The following RBCK1 variants were observed in gnomAD, a reference collection of about 807,000 sequenced individuals.
The protein encoded by RBCK1 is ranBP-type and C3HC4-type zinc finger-containing protein 1.
A neutral mutation model predicts 71.1 loss-of-function variants in RBCK1; 44 were observed. The observed-to-expected ratio is 0.62, with a 90% CI of 0.49 to 0.80. The LOEUF (loss-of-function observed/expected upper bound fraction) is 0.80, where lower values mean the gene tolerates loss of function less well. Ranked by LOEUF, RBCK1 falls within the 30% of genes least tolerant of loss-of-function variation. The pLI is 0.00. For missense variants in RBCK1, 569 were observed against 685.0 expected (o/e 0.83, Z 1.89); for synonymous variants, 306 against 279.7 (o/e 1.09, Z -0.94).
chr20:419,203 G>C (rs1011199092), intron 4 of RBCK1, 144 bp from the exon 5 acceptor site: 8 of 1,114,142 alleles, frequency 7.2e-6, no homozygotes, highest in Non-Finnish European at 1.0e-5. Context: ...ATGCCCACTT[G>C]GCCAGATGGA....
rs138518621 is a variant in RBCK1 at position 427,600 on chromosome 20, G to A, written c.1209+108G>A. The A allele has an allele frequency of 4.1e-3, 5,092 of 1,228,236 alleles. 17 individuals are homozygous for A. The highest frequency in any genetic ancestry group is 5.4e-3 in the South Asian group (395 of 72,708). 76.1% of individuals were successfully genotyped at this position (1,228,236 alleles called of 1,614,324 possible). ...AAGGGAGCTGTGACACTGGCCTGCT[G>A]GTCATGACTTAGAGCTACATGTCAG... On this transcript the variant is annotated intron_variant, in intron 9 of 11. Transcript: ENST00000356286.
In RBCK1 at chr20:431,249, A is replaced by AGTC. The variant is rs1178368448; in HGVS notation, c.*820_*822dup. ...GGATGGGCTTAGGGGCGGGAGGGGA[A>AGTC]GTCTTGCCACTCCTGCTCCCTTTTG... On this transcript the variant is annotated 3_prime_UTR_variant, in exon 12 of 12. Transcript: ENST00000356286. This position sits in a 1 kb window ranked among gnomAD's most constrained non-coding sequence, Gnocchi z 4.8. Among the ~76,000 whole-genome samples, 1 of 152,086 alleles carries AGTC rather than the reference A, an allele frequency of 6.6e-6. No individual in the cohort carries two copies. Among genetic ancestry groups the AGTC allele is most frequent in the Non-Finnish European group, 1.5e-5 (1 of 68,014 alleles).
At chr20:418,535 A>T (rs928775333) in intron 4 of RBCK1, among the ~76,000 whole-genome samples, 1 of 151,982 alleles carries the variant, frequency 6.6e-6, no homozygotes, top group East Asian at 1.9e-4. Context: ...CGCCCGGCTA[A>T]TTTTTTATAT....
Position 430,496 on chromosome 20 carries a change from G to A in RBCK1, c.*66G>A, listed in dbSNP as rs2016964702. ...CCACATTCTGTTAGAATGTAGCTCA[G>A]GGAGCTTCGTGGACGGCCTTGCTTG... On this transcript the variant is annotated 3_prime_UTR_variant, in exon 12 of 12. Transcript: ENST00000356286. This position sits in a 1 kb window ranked among gnomAD's most constrained non-coding sequence, Gnocchi z 5.6. 1 of 1,503,416 alleles carries A rather than the reference G, an allele frequency of 6.7e-7. No homozygotes were observed. Among genetic ancestry groups the A allele is most frequent in the South Asian group, 1.1e-5 (1 of 88,686 alleles). 93.1% of individuals were successfully genotyped at this position (1,503,416 alleles called of 1,614,324 possible).
chr20:425,649 C>T (rs1166524341), intron 8 of RBCK1, among the ~76,000 whole-genome samples: 57 of 113,938 alleles, frequency 5.0e-4, no homozygotes, highest in Middle Eastern at 4.6e-3. Context: ...TTTTTTGAGA[C>T]GAAGTCTCAC....
chr20:424,801 G>T (rs1258207985), intron 8 of RBCK1, among the ~76,000 whole-genome samples: 1 of 152,218 alleles, frequency 6.6e-6, no homozygotes, highest in Admixed American at 6.5e-5. Context: ...CACTGGAGTT[G>T]ATGTGAGTCT....
At chr20:418,578 C>T (rs928853002) in intron 4 of RBCK1, among the ~76,000 whole-genome samples, 3 of 152,092 alleles carry the variant, frequency 2.0e-5, no homozygotes, top group South Asian at 2.1e-4. Flanking sequence ...CCGTGTTAGC[C>T]AGGATGGTCT....
At chr20:421,453 C>T (rs1229825671) in intron 7 of RBCK1, among the ~76,000 whole-genome samples, 1 of 152,212 alleles carries the variant, frequency 6.6e-6, no homozygotes, top group Non-Finnish European at 1.5e-5. Flanking sequence ...GGGTGACAGG[C>T]TCCGTGCCTG....
In RBCK1 at chr20:428,538, C is replaced by T. The variant is rs151306710; in HGVS notation, c.1257C>T (p.Ala419=). ...GCAAGGAGTATCAGGAGGACCTGGC[C>T]CTGCGGGCTCAGAACGATGTGGCTG... is the stretch of plus-strand genomic sequence containing the variant. ...MNCKEYQEDL[A]LRAQNDVAAR... The change falls in exon 10 of 12, where the codon GCC becomes GCT. Residue 419 remains alanine, a synonymous_variant. Coordinates refer to ENST00000356286, the MANE Select transcript of RBCK1 (RefSeq NM_031229.4). The surrounding 1 kb of genome is among the most constrained non-coding windows in gnomAD (Gnocchi z 5.7). The T allele has an allele frequency of 1.2e-4, 190 of 1,612,748 alleles. No individual in the cohort carries two copies. The African/African-American group carries it at 2.3e-3, about 20-fold the overall frequency.
Position 422,327 on chromosome 20 carries a change from C to CTTT in RBCK1, c.1029+99_1029+101dup. ...GGCAGCAGACATCTTTCTTTTCTTT[C>CTTT]TTTTTTTTTTTTGGAGATGGGGTCT... On this transcript the variant is annotated intron_variant, in intron 8 of 11. Transcript: ENST00000356286. This position sits in a 1 kb window ranked among gnomAD's most constrained non-coding sequence, Gnocchi z 5.0. 21 of 879,438 alleles carry CTTT rather than the reference C, an allele frequency of 2.4e-5. No individual in the cohort carries two copies. Among genetic ancestry groups the CTTT allele is most frequent in the East Asian group, 2.8e-5 (1 of 35,474 alleles). The allele number at this position is 879,438 out of a possible 1,614,324, so 54.5% of individuals were successfully genotyped here.
chr20:420,797 G>T, intron 6 of RBCK1, 74 bp from the exon 7 acceptor site: 1 of 1,359,184 alleles, frequency 7.4e-7, no homozygotes, highest in Non-Finnish European at 9.8e-7. Context: ...CACGCCCCCT[G>T]GCCCTTCCCC....
chr20:413,974 A>G (rs915870973), intron 2 of RBCK1, among the ~76,000 whole-genome samples: 5 of 151,868 alleles, frequency 3.3e-5, no homozygotes, highest in African/African-American at 1.2e-4. Flanking sequence ...AAGGAAATAC[A>G]GTAAAAATCC....
chr20:423,247 T>C (rs1319661572), intron 8 of RBCK1, among the ~76,000 whole-genome samples: 2 of 152,154 alleles, frequency 1.3e-5, no homozygotes, highest in Non-Finnish European at 2.9e-5. Flanking sequence ...TGTGGTGAAC[T>C]GAGATCGCGC....
chr20:408,693 GACCC>G lies in RBCK1; in HGVS notation c.-64_-61del. The G allele has an allele frequency of 6.2e-7, 1 of 1,600,338 alleles. No individual in the cohort carries two copies. Among genetic ancestry groups the G allele is most frequent in the Non-Finnish European group, 8.5e-7 (1 of 1,174,478 alleles). On this transcript the variant is annotated 5_prime_UTR_variant, in exon 1 of 12. The change abolishes the stop of an existing upstream ORF in the 5' untranslated region. Transcript: ENST00000356286. ...TCCTGGTCTCCCGCCTCTCCCAGGC[GACCC>G]GGAGGTAGCATTTCCCAGGAGGCAC... is the stretch of plus-strand genomic sequence containing the variant.
In RBCK1 at chr20:408,627, G is replaced by A; in HGVS notation, c.-131G>A. ...GCGGGGACAGCGAGGCACACACAGG[G>A]CTTGGGCCGCGCCGGAGGCCACACG... On this transcript the variant is annotated 5_prime_UTR_variant, in exon 1 of 12. Coordinates refer to ENST00000356286, the MANE Select transcript of RBCK1 (RefSeq NM_031229.4). 1 of 1,204,576 alleles carries A rather than the reference G, an allele frequency of 8.3e-7. No homozygotes were observed. The allele number at this position is 1,204,576 out of a possible 1,614,324, so 74.6% of individuals were successfully genotyped here.
chr20:426,815 CCTTTT>C (rs2016742575), intron 8 of RBCK1, among the ~76,000 whole-genome samples: 2 of 130,820 alleles, frequency 1.5e-5, no homozygotes, highest in Non-Finnish European at 3.2e-5. Flanking sequence ...CTTTTCTTTT[CCTTTT>C]TTTTTTTTTT....
At chr20:409,237 C>T (rs4815585) in intron 1 of RBCK1, among the ~76,000 whole-genome samples, 96,217 of 152,098 alleles carry the variant, frequency 0.63, 30,567 homozygotes, top group East Asian at 0.71. Flanking sequence ...TCAGTCACCC[C>T]GCCATGCTCA....
At chr20:410,571 G>A in intron 2 of RBCK1, 1 of 779,660 alleles carries the variant, frequency 1.3e-6, no homozygotes. Flanking sequence ...GATTCCCACA[G>A]CTACAGTTCA....
chr20:410,687 T>A, intron 2 of RBCK1: 1 of 641,124 alleles, frequency 1.6e-6, no homozygotes, highest in Non-Finnish European at 2.9e-6. Flanking sequence ...TCCAGGAGAC[T>A]TAAACTCAAT....
Sources: allele counts gnomAD v4.1 joint callset (sites outside exome capture counted in the v4.1 genomes callset), GRCh38; gene constraint gnomAD v4.1.1; non-coding constraint Gnocchi (gnomAD v3.1); transcripts MANE v1.5; gene names NCBI Gene and HGNC (gene_info 2026-07-23, HGNC 2026-07-21).